CELF2: variants seen among roughly 807,000 people sequenced by gnomAD.
CELF2 encodes CUGBP Elav-like family member 2, also known as CUG triplet repeat RNA-binding protein 2.
CELF2 carries 8 observed loss-of-function variants against 62.6 expected under a neutral mutation model. That is an observed-to-expected ratio of 0.13 (90% CI 0.07 to 0.23). The LOEUF (loss-of-function observed/expected upper bound fraction) is 0.23. Ranked by LOEUF, CELF2 falls within the 10% of genes least tolerant of loss-of-function variation. The probability of loss-of-function intolerance (pLI) is 1.00; values close to 1 mark genes in which losing one functional copy is unlikely to be tolerated. For missense variants in CELF2, 333 were observed against 671.0 expected (o/e 0.50, Z 5.56); for synonymous variants, 258 against 250.0 (o/e 1.03, Z -0.30).
Position 11,177,721 on chromosome 10 carries a change from G to A in CELF2, c.271+12039G>A, listed in dbSNP as rs1046181705. On this transcript the variant is annotated intron_variant, in intron 2 of 12. Transcript: ENST00000633077. This position sits in a 1 kb window ranked among gnomAD's most constrained non-coding sequence, Gnocchi z 4.8. The stretch of plus-strand genomic sequence containing the variant: ...TAGAAAGTTAGGTTTTGTAATAAGG[G>A]ACCATTTTGTCCTTTCTGTTCAGGA... Among the ~76,000 whole-genome samples, 2 of 152,210 alleles carry A rather than the reference G, an allele frequency of 1.3e-5. No individual in the cohort carries two copies. Among genetic ancestry groups the A allele is most frequent in the African/African-American group, 4.8e-5 (2 of 41,458 alleles).
intron 1 of CELF2, among the ~76,000 whole-genome samples, chr10:10,913,795 AAGAG>A (rs1160407874): frequency 1.3e-5 from 2 of 150,234 alleles, no homozygotes; most frequent in African/African-American, 4.9e-5. Flanking sequence ...AAAAGAAAGA[AAGAG>A]AGAAGGAGAG....
intron 2 of CELF2, among the ~76,000 whole-genome samples, chr10:10,960,687 G>A (rs559281772): frequency 1.3e-5 from 2 of 152,306 alleles, no homozygotes; most frequent in South Asian, 2.1e-4. Context: ...GATTTGACAC[G>A]ACATCCCATT....
intron 1 of CELF2, among the ~76,000 whole-genome samples, chr10:10,906,866 A>G (rs1422698797): frequency 6.6e-6 from 1 of 151,706 alleles, no homozygotes; most frequent in Non-Finnish European, 1.5e-5. Flanking sequence ...TTACAGGCAC[A>G]AGCCGCCACA....
rs1428383093 is a variant in CELF2 at position 10,936,214 on chromosome 10, T to A, written c.89+16215T>A. On this transcript the variant is annotated intron_variant, in intron 2 of 13. Coordinates refer to the CELF2 transcript ENST00000636488. The surrounding 1 kb of genome is among the most constrained non-coding windows in gnomAD (Gnocchi z 4.0). ...AGAGAGAAAAGAAAGAAACAATAAG[T>A]CTTGCAGAGGTTAGAAAGAAGGTAA... Among the ~76,000 whole-genome samples the A allele has an allele frequency of 6.6e-6, 1 of 151,968 alleles. No homozygotes were observed. Among genetic ancestry groups the A allele is most frequent in the African/African-American group, 2.4e-5 (1 of 41,366 alleles).
At chr10:10,850,096 C>A (rs2059290105) in intron 1 of CELF2, among the ~76,000 whole-genome samples, 1 of 152,112 alleles carries the variant, frequency 6.6e-6, no homozygotes, top group Non-Finnish European at 1.5e-5. Context: ...TTGCAGTGAG[C>A]TGAGATCACG....
rs571712041 is a variant in CELF2, at chr10:11,242,855, G to C, written c.355-6298G>C. 3.3e-5 allele frequency among the ~76,000 whole-genome samples: 5 copies of C among 152,210 alleles called. No homozygotes were observed. Among genetic ancestry groups the C allele is most frequent in the South Asian group, 2.1e-4 (1 of 4,820 alleles). ...CTTATCCCCAGGAGGTGGGACGAAG[G>C]GGGAGGCCTGATGCTGGGAGGCTTG... On this transcript the variant is annotated intron_variant, in intron 3 of 12. Transcript: ENST00000633077. This position sits in a 1 kb window ranked among gnomAD's most constrained non-coding sequence, Gnocchi z 4.8.
rs75824810 is a variant in CELF2, at chr10:11,137,180, G to A, written c.75-28306G>A. ...AGTAAGGAAAAGTTATGGTGTAAGAGCTTTTTGGATCATTTGAAATGTTAG... is the reference window on the plus strand; with the variant it reads ...AGTAAGGAAAAGTTATGGTGTAAGAACTTTTTGGATCATTTGAAATGTTAG... On this transcript the variant is annotated intron_variant, in intron 1 of 12. Coordinates refer to ENST00000633077, the MANE Select transcript of CELF2 (RefSeq NM_001326342.2). Among the ~76,000 whole-genome samples, 9 of 152,332 alleles carry A rather than the reference G, an allele frequency of 5.9e-5. No homozygotes were observed. In the East Asian group the frequency reaches 1.7e-3, roughly 29 times the overall value.
chr10:10,576,665 C>T, the CELF2 span, among the ~76,000 whole-genome samples: 1 of 152,120 alleles, frequency 6.6e-6, no homozygotes, highest in Admixed American at 6.6e-5. Flanking sequence ...ATCTCTCTAC[C>T]AAACTATAAA....
chr10:10,496,813 T>C, the CELF2 span, among the ~76,000 whole-genome samples: 1 of 151,204 alleles, frequency 6.6e-6, no homozygotes, highest in Non-Finnish European at 1.5e-5. Context: ...AGTTTGGGGG[T>C]GTGGAGGTTC....
At chr10:10,746,611 G>C in the CELF2 span, among the ~76,000 whole-genome samples, 1 of 152,134 alleles carries the variant, frequency 6.6e-6, no homozygotes. Context: ...ACCTCCCTCT[G>C]CTTAAGACTG....
intron 1 of CELF2, among the ~76,000 whole-genome samples, chr10:10,910,241 C>T (rs12245326): frequency 0.083 from 12,570 of 152,130 alleles, 1,106 homozygotes; most frequent in African/African-American, 0.22. Context: ...TAAGAAGCCA[C>T]GTATGAATTG....
In CELF2 at chr10:11,244,947, A is replaced by G. The variant is rs1015699598; in HGVS notation, c.355-4206A>G. 6.6e-6 allele frequency among the ~76,000 whole-genome samples: 1 copy of G among 152,002 alleles called. No individual in the cohort carries two copies. The highest frequency in any genetic ancestry group is 1.5e-5 in the Non-Finnish European group (1 of 67,988). ...TCTGAGTTCGCACCGTACAGCTCTT[A>G]CCACGTCTCTTATCACGCTGTGGGA... On this transcript the variant is annotated intron_variant, in intron 3 of 12. Coordinates refer to ENST00000633077, the MANE Select transcript of CELF2 (RefSeq NM_001326342.2). This position sits in a 1 kb window ranked among gnomAD's most constrained non-coding sequence, Gnocchi z 4.2.
At chr10:11,238,190 A>G (rs762411198) in intron 3 of CELF2, among the ~76,000 whole-genome samples, 1 of 152,190 alleles carries the variant, frequency 6.6e-6, no homozygotes, top group Non-Finnish European at 1.5e-5. Context: ...TATACTTCCC[A>G]CTTAGTGATA....
intron 1 of CELF2, among the ~76,000 whole-genome samples, chr10:10,917,615 A>C (rs1208704163): frequency 6.6e-6 from 1 of 152,178 alleles, no homozygotes; most frequent in South Asian, 2.1e-4. Flanking sequence ...TGCTAGGATC[A>C]CATGTGTGAG....
At chr10:10,507,857 T>G in the CELF2 span, among the ~76,000 whole-genome samples, 5 of 152,316 alleles carry the variant, frequency 3.3e-5, no homozygotes, top group African/African-American at 9.6e-5. Flanking sequence ...AGATGTGATC[T>G]TTAATATTGA....
At chr10:11,245,872 T>C (rs2075441712) in intron 3 of CELF2, among the ~76,000 whole-genome samples, 1 of 152,170 alleles carries the variant, frequency 6.6e-6, no homozygotes, top group Non-Finnish European at 1.5e-5. Flanking sequence ...AGTCCCACAT[T>C]GGACATTTTA....
intron 2 of CELF2, among the ~76,000 whole-genome samples, chr10:11,213,642 G>A (rs1453680314): frequency 6.6e-6 from 1 of 152,180 alleles, no homozygotes. Context: ...AAAAGACTAT[G>A]GTTGTTAACT....
chr10:10,601,764 T>C, the CELF2 span, among the ~76,000 whole-genome samples: 5 of 151,910 alleles, frequency 3.3e-5, no homozygotes, highest in Admixed American at 2.0e-4. Flanking sequence ...GGGGTACATG[T>C]GCAGGATGTG....
chr10:10,506,989 G>A, the CELF2 span, among the ~76,000 whole-genome samples: 1 of 151,992 alleles, frequency 6.6e-6, no homozygotes, highest in African/African-American at 2.4e-5. Context: ...TTAAAGCCAC[G>A]TTCCACAGCG....
Sources: allele counts gnomAD v4.1 joint callset (sites outside exome capture counted in the v4.1 genomes callset), GRCh38; gene constraint gnomAD v4.1.1; non-coding constraint Gnocchi (gnomAD v3.1); transcripts MANE v1.5; gene names NCBI Gene and HGNC (gene_info 2026-07-23, HGNC 2026-07-21).